The following ARHGEF10L variants were observed in gnomAD, a reference collection of about 807,000 sequenced individuals.
The protein encoded by ARHGEF10L is rho guanine nucleotide exchange factor 10-like protein.
A neutral mutation model predicts 141.2 loss-of-function variants in ARHGEF10L; 69 were observed. That is an observed-to-expected ratio of 0.49 (90% confidence interval 0.40 to 0.60). The LOEUF (loss-of-function observed/expected upper bound fraction) is 0.60. Among genes scored for constraint, ARHGEF10L ranks in the 20% least tolerant of loss-of-function variants. The pLI, the probability that ARHGEF10L is intolerant of heterozygous loss-of-function variation, is 0.00. For synonymous variants in ARHGEF10L, 711 were observed against 718.5 expected, an observed-to-expected ratio of 0.99 and a Z score of 0.17; for missense variants, 1,482 against 1,734.3, an observed-to-expected ratio of 0.85 and a Z score of 2.58.
At chr1:17,541,666 A>G (rs1469762020) in intron 1 of ARHGEF10L, among the ~76,000 whole-genome samples, 2 of 152,100 alleles carry the variant, frequency 1.3e-5, no homozygotes, top group Admixed American at 1.3e-4. Context: ...CCCTGTCTTT[A>G]CTAAAAATGC....
At chr1:17,531,008 A>AAAAAAT in the ARHGEF10L span, among the ~76,000 whole-genome samples, 5 of 152,140 alleles carry the variant, frequency 3.3e-5, no homozygotes, top group South Asian at 2.1e-4. Flanking sequence ...CCATCTCAAA[A>AAAAAAT]AAAAATAAAA....
At chr1:17,547,057 A>G (rs569847937) in intron 1 of ARHGEF10L, among the ~76,000 whole-genome samples, 2 of 152,100 alleles carry the variant, frequency 1.3e-5, no homozygotes, top group African/African-American at 4.8e-5. Context: ...AGCAGCGCCA[A>G]CCCTCCCAGG....
Position 17,654,830 on chromosome 1 carries a change from G to T in ARHGEF10L, c.2481+108G>T. The stretch of plus-strand genomic sequence containing the variant: ...ACAGCAGCTGCCTGCCTCATCTCAT[G>T]CAGCTTCATCCACCAAGGTCTTCCT... On this transcript the variant is annotated intron_variant, in intron 23 of 28. Coordinates refer to ENST00000361221, the MANE Select transcript of ARHGEF10L (RefSeq NM_018125.4). This position sits in a 1 kb window ranked among gnomAD's most constrained non-coding sequence, Gnocchi z 4.3. The T allele has an allele frequency of 9.4e-7, 1 of 1,060,126 alleles. No homozygotes were observed. The highest frequency in any genetic ancestry group is 2.4e-5 in the East Asian group (1 of 42,106). 65.7% of individuals were successfully genotyped at this position (1,060,126 alleles called of 1,614,324 possible).
the ARHGEF10L span, among the ~76,000 whole-genome samples, chr1:17,514,880 C>T: frequency 2.0e-5 from 3 of 152,116 alleles, no homozygotes; most frequent in South Asian, 4.1e-4. Context: ...GCCCCAGCTG[C>T]GGCCTCTGAG....
rs1012808200 is a variant in ARHGEF10L, at chr1:17,654,231, T to C, written c.2395-405T>C. ...CGGTGACAGGCTGAGCCCTGGTTTC[T>C]GTGCGTGGCCCTCACAAGCCGCCCA... On this transcript the variant is annotated intron_variant, in intron 22 of 28. Coordinates refer to ENST00000361221, the MANE Select transcript of ARHGEF10L (RefSeq NM_018125.4). The surrounding 1 kb of genome is among the most constrained non-coding windows in gnomAD (Gnocchi z 4.3). Among the ~76,000 whole-genome samples, 3 of 152,212 alleles carry C rather than the reference T, an allele frequency of 2.0e-5. No individual in the cohort carries two copies. The highest frequency in any genetic ancestry group is 7.2e-5 in the African/African-American group (3 of 41,452).
In ARHGEF10L at chr1:17,654,668, T is replaced by G; in HGVS notation, c.2427T>G (p.Cys809Trp). The change falls in exon 23 of 29, where the codon TGT becomes TGG. Residue 809 changes from cysteine to tryptophan, a missense_variant. By Grantham distance (215) the Cys-to-Trp change is radical (BLOSUM62 -2). Transcript: ENST00000361221. The surrounding 1 kb of genome is among the most constrained non-coding windows in gnomAD (Gnocchi z 4.3). ...LGALVHSPVNCPLLGFSAVST... is the reference protein window; with the variant it reads ...LGALVHSPVNWPLLGFSAVST... Reference sequence around the variant, plus strand: ...CCCTGGTCCACAGTCCTGTCAACTGTCCCCTGCTGGGTTTCTCAGCAGTCA... The same window carrying G: ...CCCTGGTCCACAGTCCTGTCAACTGGCCCCTGCTGGGTTTCTCAGCAGTCA... 6.2e-7 allele frequency: 1 copy of G among 1,614,188 alleles called. No individual in the cohort carries two copies. Among genetic ancestry groups the G allele is most frequent in the South Asian group, 1.1e-5 (1 of 91,084 alleles).
rs150411393 is a variant in ARHGEF10L, at chr1:17,616,172, G to A, written c.805G>A (p.Val269Ile). The A allele has an allele frequency of 1.1e-5, 17 of 1,613,162 alleles. No individual in the cohort carries two copies. Among genetic ancestry groups the A allele is most frequent in the Admixed American group, 1.7e-5 (1 of 59,996 alleles). ...EKTRMAVMRK[V>I]SFLHRKDVLG... ...GACACGGATGGCCGTGATGCGCAAA[G>A]TCTCCTTCCTGCACAGGAAGGACGT... The change falls in exon 9 of 29, where the codon GTC becomes ATC. Residue 269 changes from valine (V) to isoleucine (I), a missense_variant. Transcript: ENST00000361221.
rs375807216 is a variant in ARHGEF10L, at chr1:17,635,047, G to A, written c.1927+31G>A. ...TACCCCCTCTCTGTGCCCTGCGTTC[G>A]TCACCCTCGCCCTCACCAGCCACAG... On this transcript the variant is annotated intron_variant, in intron 18 of 28. Transcript: ENST00000361221. 1.2e-3 allele frequency: 1,867 copies of A among 1,611,612 alleles called. 1 individual carries two copies. Among genetic ancestry groups the A allele is most frequent in the Middle Eastern group, 1.5e-3 (9 of 6,030 alleles).
At chr1:17,549,950 C>T (rs372266269) in intron 1 of ARHGEF10L, among the ~76,000 whole-genome samples, 21 of 152,278 alleles carry the variant, frequency 1.4e-4, no homozygotes, top group East Asian at 9.6e-4. Context: ...AACAAGACTA[C>T]GAACATTTGC....
rs927560684 is a variant in ARHGEF10L at position 17,634,384 on chromosome 1, C to T, written c.1731-164C>T. On this transcript the variant is annotated intron_variant, in intron 16 of 28. Transcript: ENST00000361221. ...CCCAGAGATGAAGGAAGGCCCGCTTCTGTCCACACCTGGCCTCTGATGCCC... is the reference window on the plus strand; with the variant it reads ...CCCAGAGATGAAGGAAGGCCCGCTTTTGTCCACACCTGGCCTCTGATGCCC... 8.1e-6 allele frequency: 9 copies of T among 1,116,874 alleles called. No homozygotes were observed. The Admixed American group carries it at 1.8e-4, about 22-fold the overall frequency. 69.2% of individuals were successfully genotyped at this position (1,116,874 alleles called of 1,614,324 possible).
At position 17,583,956 on chromosome 1, in the gene ARHGEF10L, A is replaced by G. The variant is rs191737553; in HGVS notation, c.37+3324A>G. ...AGCCTCAAATTCCTGGGCTCAAGCC[A>G]TTCTCCTGCTACAGCCTCCTGAGTA... is the stretch of plus-strand genomic sequence containing the variant. On this transcript the variant is annotated intron_variant, in intron 2 of 28. Transcript: ENST00000361221. Among the ~76,000 whole-genome samples, 892 of 152,262 alleles carry G rather than the reference A, an allele frequency of 5.9e-3. 9 individuals are homozygous for G. Among genetic ancestry groups the G allele is most frequent in the African/African-American group, 0.02 (823 of 41,546 alleles).
intron 18 of ARHGEF10L, among the ~76,000 whole-genome samples, chr1:17,635,785 T>C (rs920533718): frequency 6.6e-6 from 1 of 152,182 alleles, no homozygotes; most frequent in African/African-American, 2.4e-5. Flanking sequence ...TGGGCATTAA[T>C]AAGTGTTCCT....
chr1:17,568,359 G>C (rs1011903503), intron 1 of ARHGEF10L, among the ~76,000 whole-genome samples: 1 of 152,186 alleles, frequency 6.6e-6, no homozygotes, highest in African/African-American at 2.4e-5. Context: ...GTATGGAAGA[G>C]GAAACCAGGG....
intron 3 of ARHGEF10L, among the ~76,000 whole-genome samples, chr1:17,588,189 G>A (rs1219256449): frequency 6.6e-6 from 1 of 151,892 alleles, no homozygotes. Flanking sequence ...CAGGCCCAGA[G>A]CAGGCAGGGT....
chr1:17,614,233 G>GT (rs113312100), intron 8 of ARHGEF10L, among the ~76,000 whole-genome samples: 31,113 of 152,156 alleles, frequency 0.2, 4,064 homozygotes, highest in African/African-American at 0.37. Flanking sequence ...ACCCTTTACA[G>GT]TTACGAGACC....
chr1:17,687,813 G>A (rs1170596120), intron 27 of ARHGEF10L, 66 bp downstream of exon 27: 3 of 1,484,054 alleles, frequency 2.0e-6, no homozygotes, highest in South Asian at 2.7e-5. Flanking sequence ...AGGTAGTGGT[G>A]TGACCTGGGC....
At chr1:17,655,502 G>T (rs1319409014) in intron 23 of ARHGEF10L, among the ~76,000 whole-genome samples, 1 of 151,602 alleles carries the variant, frequency 6.6e-6, no homozygotes, top group Non-Finnish European at 1.5e-5. Context: ...CATCCAACAA[G>T]AATATATTGA....
chr1:17,657,669 G>A (rs2102058829), intron 25 of ARHGEF10L, among the ~76,000 whole-genome samples: 1 of 152,172 alleles, frequency 6.6e-6, no homozygotes, highest in African/African-American at 2.4e-5. Flanking sequence ...CTTTTGATAA[G>A]GCATTTATAG....
In ARHGEF10L at chr1:17,627,368, G is replaced by C; in HGVS notation, c.1449G>C (p.Arg483Ser). 1 of 1,614,100 alleles carries C rather than the reference G, an allele frequency of 6.2e-7. No individual in the cohort carries two copies. The highest frequency in any genetic ancestry group is 8.5e-7 in the Non-Finnish European group (1 of 1,180,038). ...LKNTPRGHPD[R>S]LSLQLALTEL... ...ACACCCCCAGGGGCCATCCGGACAG[G>C]CTGTCGCTGCAGCTGGCCCTCACAG... Residue 483 changes from arginine (R) to serine (S), a missense_variant, in exon 15 of 29, where the codon AGG becomes AGC. This residue lies in a region of ARHGEF10L where 392 missense variants were observed against 542.1 expected (regional missense o/e 0.72). Transcript: ENST00000361221. This position sits in a 1 kb window ranked among gnomAD's most constrained non-coding sequence, Gnocchi z 4.0.
Sources: gnomAD v4.1 joint callset for allele counts (sites outside exome capture counted in the v4.1 genomes callset) on GRCh38, gnomAD v4.1.1 for gene constraint, gnomAD v4.1.1 regional missense constraint, Gnocchi (gnomAD v3.1) non-coding constraint, MANE v1.5 for transcripts, NCBI Gene and HGNC (gene_info 2026-07-23, HGNC 2026-07-21) for gene names.